Variants in CDH18 observed in about 807,000 individuals in gnomAD.
The protein encoded by CDH18 is cadherin 18.
Under a neutral mutation model 67.9 loss-of-function variants are expected in CDH18, and 31 were observed. The observed-to-expected ratio is 0.46, with a 90% CI of 0.34 to 0.62. CDH18 has a LOEUF of 0.62. CDH18 is among the 20% of genes least tolerant of loss of function. The pLI, the probability that CDH18 is intolerant of heterozygous loss-of-function variation, is 0.01. For missense variants in CDH18, 890 were observed against 975.5 expected, an observed-to-expected ratio of 0.91 and a Z score of 1.17; for synonymous variants, 362 against 347.2, an observed-to-expected ratio of 1.04 and a Z score of -0.48.
chr5:19,546,266 G>A (rs1736299702), intron 8 of CDH18, among the ~76,000 whole-genome samples: 1 of 152,166 alleles, frequency 6.6e-6, no homozygotes, highest in Admixed American at 6.5e-5. Context: ...AAGACCATGA[G>A]TTAAGACAAT....
intron 5 of CDH18, among the ~76,000 whole-genome samples, chr5:19,660,625 T>C (rs190734777): frequency 1.5e-4 from 23 of 151,508 alleles, no homozygotes; most frequent in Non-Finnish European, 2.6e-4. Flanking sequence ...TTCAATTTTC[T>C]TTTCTGACTT....
rs193002405 is a variant in CDH18 at position 20,114,314 on chromosome 5, C to T, written c.-517-122300G>A. ...CTAGAGTTTATATAAATCTATCATA[C>T]GTCTATATAATATCCCCCAAAAAGT... is the stretch of plus-strand genomic sequence containing the variant. On this transcript the variant is annotated intron_variant, in intron 2 of 14. Transcript: ENST00000507958. 2.4e-4 allele frequency among the ~76,000 whole-genome samples: 37 copies of T among 152,236 alleles called. 1 individual carries two copies. The highest frequency in any genetic ancestry group is 2.2e-3 in the Admixed American group (33 of 15,290).
chr5:20,151,325 C>CT (rs1726844612), intron 2 of CDH18, among the ~76,000 whole-genome samples: 1 of 152,050 alleles, frequency 6.6e-6, no homozygotes, highest in Non-Finnish European at 1.5e-5. Flanking sequence ...AATTGTATTC[C>CT]TTTTTATGGC....
chr5:20,006,332 G>A (rs577019527), intron 2 of CDH18, among the ~76,000 whole-genome samples: 14 of 151,802 alleles, frequency 9.2e-5, no homozygotes, highest in African/African-American at 2.2e-4. Flanking sequence ...TTTTTCACAC[G>A]TTATGAGAAT....
At chr5:20,187,292 A>G (rs1738176044) in intron 2 of CDH18, among the ~76,000 whole-genome samples, 2 of 151,868 alleles carry the variant, frequency 1.3e-5, no homozygotes, top group African/African-American at 2.4e-5. Flanking sequence ...TATTATGTAT[A>G]TTTTACAAGA....
At chr5:19,969,942 A>G (rs1398939505) in intron 2 of CDH18, among the ~76,000 whole-genome samples, 9 of 152,136 alleles carry the variant, frequency 5.9e-5, no homozygotes, top group African/African-American at 1.9e-4. Context: ...TTTACATCCA[A>G]TAAGTTTAAG....
intron 3 of CDH18, among the ~76,000 whole-genome samples, chr5:19,811,151 AAAGAAAGAAG>A (rs1561351704): frequency 2.6e-4 from 10 of 38,298 alleles, no homozygotes; most frequent in South Asian, 6.1e-4. Context: ...AGAAAGAAAG[AAAGAAAGAAG>A]GAGAGAAAGA....
intron 1 of CDH18, among the ~76,000 whole-genome samples, chr5:20,336,505 G>A (rs532794555): frequency 7.2e-5 from 11 of 152,004 alleles, no homozygotes; most frequent in African/African-American, 2.2e-4. Context: ...GGCGGATCAC[G>A]AGGCCAAGAG....
chr5:20,248,164 T>C (rs2860198), intron 2 of CDH18, among the ~76,000 whole-genome samples: 1 of 152,034 alleles, frequency 6.6e-6, no homozygotes, highest in African/African-American at 2.4e-5. Context: ...GAAGATTTTG[T>C]TAAGACTTAA....
At chr5:20,491,344 T>C (rs1013652335) in intron 1 of CDH18, among the ~76,000 whole-genome samples, 2 of 152,142 alleles carry the variant, frequency 1.3e-5, no homozygotes, top group African/African-American at 4.8e-5. Context: ...GTAAGTTTAG[T>C]AATTCTTAAC....
chr5:20,228,863 T>TG (rs1268791356), intron 2 of CDH18, among the ~76,000 whole-genome samples: 1 of 152,156 alleles, frequency 6.6e-6, no homozygotes, highest in African/African-American at 2.4e-5. Context: ...AATGGAATGC[T>TG]ATTCAGTGAA....
intron 1 of CDH18, among the ~76,000 whole-genome samples, chr5:20,346,262 A>G (rs906392158): frequency 6.6e-6 from 1 of 152,140 alleles, no homozygotes; most frequent in African/African-American, 2.4e-5. Flanking sequence ...TAAAATTTTT[A>G]TTCTTCCAAA....
chr5:20,570,140 T>C (rs909594950), intron 1 of CDH18, among the ~76,000 whole-genome samples: 8 of 152,318 alleles, frequency 5.3e-5, no homozygotes, highest in East Asian at 1.9e-4. Flanking sequence ...TTATATAATA[T>C]ACATTACAGA....
chr5:20,001,296 AGCAGTTGAAATGT>A (rs1255698878), intron 2 of CDH18, among the ~76,000 whole-genome samples: 2 of 152,200 alleles, frequency 1.3e-5, no homozygotes, highest in East Asian at 3.9e-4. Context: ...ATTGAAAGCA[AGCAGTTGAAATGT>A]GAATTCTAGT....
intron 1 of CDH18, among the ~76,000 whole-genome samples, chr5:19,986,256 G>A (rs1294684801): frequency 6.6e-6 from 1 of 152,124 alleles, no homozygotes; most frequent in South Asian, 2.1e-4. Flanking sequence ...TTCTAGCACC[G>A]GGTGCTATTG....
intron 5 of CDH18, among the ~76,000 whole-genome samples, chr5:19,656,884 G>A (rs940198391): frequency 1.3e-5 from 2 of 151,600 alleles, no homozygotes; most frequent in Non-Finnish European, 2.9e-5. Context: ...TTCTCTTTCT[G>A]TGTGTGTTTG....
chr5:19,672,616 T>A (rs549865152), intron 5 of CDH18, among the ~76,000 whole-genome samples: 4 of 152,142 alleles, frequency 2.6e-5, no homozygotes, highest in African/African-American at 9.6e-5. Flanking sequence ...TCTCCACTGG[T>A]CTATGGTATT....
upstream of CDH18, among the ~76,000 whole-genome samples, chr5:19,991,516 T>G (rs1799977346): frequency 6.6e-6 from 1 of 152,168 alleles, no homozygotes; most frequent in South Asian, 2.1e-4. Flanking sequence ...AAAGAGCTAG[T>G]AAATTATAAA....
chr5:19,755,429 ATG>A (rs200316335), intron 3 of CDH18, among the ~76,000 whole-genome samples: 8,727 of 20,280 alleles, frequency 0.43, 1,667 homozygotes, highest in East Asian at 0.59. Context: ...CTAACAGGGT[ATG>A]TATATATATA....
Sources: allele counts gnomAD v4.1 joint callset (sites outside exome capture counted in the v4.1 genomes callset), GRCh38; gene constraint gnomAD v4.1.1; transcripts MANE v1.5; gene names NCBI Gene and HGNC (gene_info 2026-07-23, HGNC 2026-07-21).